Variants in PARK7 observed in about 807,000 individuals in gnomAD.
The protein encoded by PARK7 is Parkinson disease protein 7.
PARK7 carries 14 observed loss-of-function variants against 20.5 expected under a neutral mutation model. The observed-to-expected ratio is 0.68, with a 90% CI of 0.45 to 1.07. The LOEUF is 1.07. Among genes scored for constraint, PARK7 ranks in the 50% least tolerant of loss-of-function variants. The pLI is 0.00. For missense variants in PARK7, 234 were observed against 238.1 expected, an observed-to-expected ratio of 0.98 and a Z score of 0.11; for synonymous variants, 98 against 84.3, an observed-to-expected ratio of 1.16 and a Z score of -0.89.
intron 3 of PARK7, among the ~76,000 whole-genome samples, chr1:7,968,337 A>G (rs912893724): frequency 4.6e-5 from 7 of 151,580 alleles, no homozygotes; most frequent in Non-Finnish European, 1.0e-4. Context: ...AAATAAATAA[A>G]TAAATAAAAA....
At chr1:7,970,844 G>A (rs367785786) in intron 4 of PARK7, 50 bp from the exon 5 acceptor site, 7 of 1,577,466 alleles carry the variant, frequency 4.4e-6, no homozygotes, top group Non-Finnish European at 6.1e-6. Context: ...TGAGTGATTG[G>A]TTAGTGGCTT....
chr1:7,966,702 C>T (rs754671266), intron 3 of PARK7, among the ~76,000 whole-genome samples: 2 of 151,966 alleles, frequency 1.3e-5, no homozygotes, highest in Non-Finnish European at 2.9e-5. Flanking sequence ...GGTGACAGAG[C>T]GAGACCCTGT....
At position 7,968,512 on chromosome 1, in the gene PARK7, C is replaced by G. The variant is rs186777642; in HGVS notation, c.193-833C>G. On this transcript the variant is annotated intron_variant, in intron 3 of 6. Coordinates refer to ENST00000338639, the MANE Select transcript of PARK7 (RefSeq NM_007262.5). The stretch of plus-strand genomic sequence containing the variant: ...TGCCTTTTACTTAAAATTTGTTTCT[C>G]TATTAATTTTATTTGTTTTTTTAGA... Among the ~76,000 whole-genome samples, 522 of 151,718 alleles carry G rather than the reference C, an allele frequency of 3.4e-3. 2 individuals carry two copies. The highest frequency in any genetic ancestry group is 5.6e-3 in the South Asian group (27 of 4,800).
At chr1:7,980,878 T>C (rs1375954318) in intron 6 of PARK7, among the ~76,000 whole-genome samples, 6 of 151,932 alleles carry the variant, frequency 3.9e-5, no homozygotes, top group East Asian at 1.9e-4. Flanking sequence ...TTTTTTCTTA[T>C]CTTTTTTTTG....
chr1:7,963,858 C>T (rs1220812311), intron 2 of PARK7, among the ~76,000 whole-genome samples: 1 of 151,052 alleles, frequency 6.6e-6, no homozygotes, highest in Non-Finnish European at 1.5e-5. Flanking sequence ...GCTCTGTCAC[C>T]CAGGCTGGAG....
chr1:7,966,574 T>TAA (rs1640335057), intron 3 of PARK7, among the ~76,000 whole-genome samples: 1 of 152,002 alleles, frequency 6.6e-6, no homozygotes, highest in African/African-American at 2.4e-5. Context: ...GGTGCATGCC[T>TAA]GTAGTTCTAG....
chr1:7,985,136 G>A lies in PARK7; in HGVS notation c.*82G>A. ...TGTGTTCGCTCTAAACAAAACAGTG[G>A]TAGGTTAATGTGTTCAGAAGTCGCT... On this transcript the variant is annotated 3_prime_UTR_variant, in exon 7 of 7. Coordinates refer to ENST00000338639, the MANE Select transcript of PARK7 (RefSeq NM_007262.5). 2.6e-6 allele frequency: 4 copies of A among 1,534,952 alleles called. No homozygotes were observed. The highest frequency in any genetic ancestry group is 3.5e-6 in the Non-Finnish European group (4 of 1,134,274).
At position 7,984,055 on chromosome 1, in the gene PARK7, T is replaced by G. The variant is rs1334004006; in HGVS notation, c.410-839T>G. Among the ~76,000 whole-genome samples the G allele has an allele frequency of 6.6e-6, 1 of 152,048 alleles. No individual in the cohort carries two copies. Among genetic ancestry groups the G allele is most frequent in the Non-Finnish European group, 1.5e-5 (1 of 68,008 alleles). ...GAGGTGGGGGTGGTCACAGATACCC[T>G]CTCTGAGGGGTTTTTGTTGATGCTG... On this transcript the variant is annotated intron_variant, in intron 6 of 6. Coordinates refer to ENST00000338639, the MANE Select transcript of PARK7 (RefSeq NM_007262.5). This position sits in a 1 kb window ranked among gnomAD's most constrained non-coding sequence, Gnocchi z 4.3.
intron 5 of PARK7, 43 bp from the exon 6 acceptor site, chr1:7,977,609 C>A: frequency 6.4e-7 from 1 of 1,558,974 alleles, no homozygotes. Flanking sequence ...TAAACATGGG[C>A]TTTTCTATAT....
rs114099653 is a variant in PARK7 at position 7,973,425 on chromosome 1, T to C, written c.322+2462T>C. On this transcript the variant is annotated intron_variant, in intron 5 of 6. Transcript: ENST00000338639. ...AAGAAAGAGTTTGGGCTGAGTTTGT[T>C]TCCTTATGATTCTGCTGAAAGTAAA... is the stretch of plus-strand genomic sequence containing the variant. 2.5e-3 allele frequency among the ~76,000 whole-genome samples: 375 copies of C among 152,372 alleles called. 2 individuals carry two copies. Among genetic ancestry groups the C allele is most frequent in the African/African-American group, 8.5e-3 (355 of 41,584 alleles).
intron 6 of PARK7, among the ~76,000 whole-genome samples, chr1:7,981,629 TGTC>T (rs901570750): frequency 6.6e-6 from 1 of 151,960 alleles, no homozygotes; most frequent in Admixed American, 6.6e-5. Flanking sequence ...CCCTCAGGCT[TGTC>T]GTTGCTGACC....
At chr1:7,967,436 G>A (rs955564634) in intron 3 of PARK7, among the ~76,000 whole-genome samples, 2 of 152,192 alleles carry the variant, frequency 1.3e-5, no homozygotes, top group African/African-American at 4.8e-5. Flanking sequence ...ATGCCAAGTA[G>A]TGGGATTGCT....
At chr1:7,981,574 C>G (rs1225230596) in intron 6 of PARK7, among the ~76,000 whole-genome samples, 3 of 152,300 alleles carry the variant, frequency 2.0e-5, no homozygotes, top group African/African-American at 7.2e-5. Flanking sequence ...TGGCTTTGTG[C>G]CAGTGAAGCT....
chr1:7,977,835 C>G, intron 6 of PARK7, 97 bp downstream of exon 6: 1 of 989,048 alleles, frequency 1.0e-6, no homozygotes, highest in Non-Finnish European at 1.6e-6. Flanking sequence ...TCTTGGCTTA[C>G]TGCAATCCCT....
At chr1:7,975,076 G>A (rs954224408) in intron 5 of PARK7, among the ~76,000 whole-genome samples, 1 of 151,932 alleles carries the variant, frequency 6.6e-6, no homozygotes, top group South Asian at 2.1e-4. Flanking sequence ...GGCTGGTCTC[G>A]AACTCCTGAT....
intron 1 of PARK7, chr1:7,962,022 T>C (rs1288152087): frequency 6.6e-6 from 1 of 152,256 alleles, no homozygotes; most frequent in East Asian, 1.9e-4. Flanking sequence ...ATCTTCTGCC[T>C]AACCTCTCGC....
intron 5 of PARK7, among the ~76,000 whole-genome samples, chr1:7,976,773 T>A (rs1351841171): frequency 6.6e-6 from 1 of 152,152 alleles, no homozygotes; most frequent in Non-Finnish European, 1.5e-5. Flanking sequence ...CAGGCTGGAG[T>A]GCAGTGGCAC....
intron 2 of PARK7, among the ~76,000 whole-genome samples, chr1:7,964,816 T>C (rs2151428429): frequency 6.6e-6 from 1 of 152,294 alleles, no homozygotes; most frequent in African/African-American, 2.4e-5. Context: ...AAAAATACCA[T>C]GAGGTTTAAA....
intron 5 of PARK7, among the ~76,000 whole-genome samples, chr1:7,972,288 C>T (rs1640481311): frequency 6.6e-6 from 1 of 152,040 alleles, no homozygotes; most frequent in African/African-American, 2.4e-5. Context: ...CATAGCCAGA[C>T]CCCCATCTCA....
Sources: allele counts gnomAD v4.1 joint callset (sites outside exome capture counted in the v4.1 genomes callset), GRCh38; gene constraint gnomAD v4.1.1; non-coding constraint Gnocchi (gnomAD v3.1); transcripts MANE v1.5; gene names NCBI Gene and HGNC (gene_info 2026-07-23, HGNC 2026-07-21).